Variants in RASL12 observed in about 807,000 individuals in gnomAD.
RASL12 encodes RAS like family 12, also known as ras-like protein family member 12.
RASL12 carries 16 observed loss-of-function variants against 22.9 expected under a neutral mutation model. The ratio of observed to expected loss-of-function variants is 0.70; its 90% CI spans 0.47 to 1.06. RASL12 has a LOEUF of 1.06. RASL12 is among the 50% of genes least tolerant of loss of function. The pLI is 0.00. For missense variants in RASL12, 306 were observed against 353.1 expected (o/e 0.87, Z 1.07); for synonymous variants, 159 against 152.2 (o/e 1.04, Z -0.33).
intron 1 of RASL12, among the ~76,000 whole-genome samples, chr15:65,074,422 C>T (rs981454611): frequency 6.6e-6 from 1 of 151,938 alleles, no homozygotes; most frequent in African/African-American, 2.4e-5. Flanking sequence ...GAGACAGATC[C>T]TCACTCTGTT....
At chr15:65,048,244 C>G in the RASL12 span, among the ~76,000 whole-genome samples, 3 of 151,852 alleles carry the variant, frequency 2.0e-5, no homozygotes, top group Non-Finnish European at 2.9e-5. Context: ...TGACTTCCAT[C>G]TCCACCTTGG....
At chr15:65,059,320 GC>G in intron 3 of RASL12, 24 bp downstream of exon 3, 1 of 1,599,684 alleles carries the variant, frequency 6.3e-7, no homozygotes, top group Non-Finnish European at 8.6e-7. Flanking sequence ...TCACAGCAGT[GC>G]ATAGGTAATG....
chr15:65,055,380 G>A lies in RASL12; in HGVS notation c.426-106C>T. 4.1e-6 allele frequency: 4 copies of A among 976,624 alleles called. No individual in the cohort carries two copies. In the South Asian group the frequency reaches 5.1e-5, roughly 13 times the overall value. The allele number at this position is 976,624 out of a possible 1,614,324, so 60.5% of individuals were successfully genotyped here. The stretch of plus-strand genomic sequence containing the variant: ...CCATGGACTAGCTGGGTGGCCTGGG[G>A]TCATCTTCACCTCTCTGAGTCTCAG... On this transcript the variant is annotated intron_variant, in intron 4 of 4. Coordinates refer to ENST00000220062, the MANE Select transcript of RASL12 (RefSeq NM_016563.4).
At chr15:65,050,163 G>A, downstream of RASL12, 1 of 1,374,574 alleles carries the variant, frequency 7.3e-7, no homozygotes, top group Non-Finnish European at 1.0e-6. Context: ...AGCAGAGTTT[G>A]GCTGAAGGTC....
chr15:65,067,127 G>A (rs141630584), intron 1 of RASL12, among the ~76,000 whole-genome samples: 1,650 of 152,222 alleles, frequency 0.011, 7 homozygotes, highest in Non-Finnish European at 0.015. Context: ...GGGTGGGAGT[G>A]GGGGAGTGGA....
At chr15:65,052,180 G>A (rs1192641189), downstream of RASL12, among the ~76,000 whole-genome samples, 1 of 152,148 alleles carries the variant, frequency 6.6e-6, no homozygotes, top group Non-Finnish European at 1.5e-5. Flanking sequence ...AACATGACTG[G>A]TGTTGTGCCT....
At chr15:65,060,129 G>T (rs1016784388) in intron 2 of RASL12, among the ~76,000 whole-genome samples, 1 of 152,122 alleles carries the variant, frequency 6.6e-6, no homozygotes, top group South Asian at 2.1e-4. Flanking sequence ...TTTGTCCCAG[G>T]CGCTGTGCTA....
rs554513080 is a variant in RASL12, at chr15:65,059,386, G to A, written c.193C>T (p.His65Tyr). ...ATGACCCTCAGGTGGACAGGCTGGTGGTCCACAGTCTCCTCGGAGCTGTAG... is the reference window on the plus strand; with the variant it reads ...ATGACCCTCAGGTGGACAGGCTGGTAGTCCACAGTCTCCTCGGAGCTGTAG... The part of the protein sequence containing the change: ...DTYSSEETVD[H>Y]QPVHLRVMDT... The change falls in exon 3 of 5, where the codon CAC (histidine) becomes TAC (tyrosine). Residue 65 changes from histidine to tyrosine, a missense_variant. Transcript: ENST00000220062. 6.2e-7 allele frequency: 1 copy of A among 1,614,068 alleles called. No individual in the cohort carries two copies. The highest frequency in any genetic ancestry group is 8.5e-7 in the Non-Finnish European group (1 of 1,180,032).
chr15:65,075,381 A>G (rs2086959635), intron 1 of RASL12, among the ~76,000 whole-genome samples: 1 of 152,166 alleles, frequency 6.6e-6, no homozygotes. Flanking sequence ...GCCCAGTCCC[A>G]TCAACCACCC....
chr15:65,072,435 G>A (rs1211571278), upstream of RASL12, among the ~76,000 whole-genome samples: 1 of 152,150 alleles, frequency 6.6e-6, no homozygotes, highest in Admixed American at 6.5e-5. Context: ...GTATCCTAAG[G>A]GGGAGAGAAG....
downstream of RASL12, chr15:65,053,206 G>A: frequency 6.2e-7 from 1 of 1,608,386 alleles, no homozygotes; most frequent in Non-Finnish European, 8.5e-7. Context: ...GACACATGAT[G>A]TGGGCTCAGC....
intron 1 of RASL12, among the ~76,000 whole-genome samples, chr15:65,075,923 T>C (rs1430108226): frequency 3.5e-4 from 52 of 147,774 alleles, no homozygotes; most frequent in African/African-American, 1.2e-3. Flanking sequence ...CACCCTGAGT[T>C]TAGTTCAAGG....
upstream of RASL12, chr15:65,068,142 C>T: frequency 9.8e-7 from 1 of 1,015,952 alleles, no homozygotes; most frequent in Non-Finnish European, 1.2e-6. The surrounding 1 kb of genome is among the most constrained non-coding windows in gnomAD (Gnocchi z 4.2). Flanking sequence ...GCCGCGCCCC[C>T]ACCGCCGGGC....
At position 65,054,557 on chromosome 15, in the gene RASL12, C is replaced by T; in HGVS notation, c.*342G>A. 9.2e-7 allele frequency: 1 copy of T among 1,086,274 alleles called. No individual in the cohort carries two copies. The highest frequency in any genetic ancestry group is 1.1e-6 in the Non-Finnish European group (1 of 892,706). 67.3% of individuals were successfully genotyped at this position (1,086,274 alleles called of 1,614,324 possible). A position where few individuals can be genotyped will look rare whatever the true frequency, so the allele number is the denominator to read the frequency against. On this transcript the variant is annotated 3_prime_UTR_variant, in exon 5 of 5. Coordinates refer to ENST00000220062, the MANE Select transcript of RASL12 (RefSeq NM_016563.4). ...GACCATCCACTAAGGCCACAGCTGG[C>T]CCAACTGTAGCTGGAGCAGGAAGGG...
At position 65,075,932 on chromosome 15, in the gene RASL12, G is replaced by C. The variant is rs577901570; in HGVS notation, c.70+597C>G. Among the ~76,000 whole-genome samples, 16 of 152,272 alleles carry C rather than the reference G, an allele frequency of 1.1e-4. No homozygotes were observed. In the South Asian group the frequency reaches 3.3e-3, roughly 32 times the overall value. On this transcript the variant is annotated intron_variant, in intron 1 of 4. Coordinates refer to the RASL12 transcript ENST00000434605. Reference sequence around the variant, plus strand: ...AATCAGCACCCTGAGTTTAGTTCAAGGTTTGTGAGTGCACCAGTCGACACT... The same window carrying C: ...AATCAGCACCCTGAGTTTAGTTCAACGTTTGTGAGTGCACCAGTCGACACT...
intron 3 of RASL12, 51 bp downstream of exon 3, chr15:65,059,294 A>C: frequency 6.6e-7 from 1 of 1,510,430 alleles, no homozygotes; most frequent in South Asian, 1.1e-5. Context: ...AGGACTTCTC[A>C]GGAGGCTATA....
chr15:65,056,376 G>A (rs915021733), intron 4 of RASL12, among the ~76,000 whole-genome samples: 1 of 152,152 alleles, frequency 6.6e-6, no homozygotes, highest in African/African-American at 2.4e-5. Context: ...CAGAGAGAGT[G>A]AGTAACTGGG....
downstream of RASL12, among the ~76,000 whole-genome samples, chr15:65,051,289 T>G (rs2086650072): frequency 6.6e-6 from 1 of 152,220 alleles, no homozygotes; most frequent in Non-Finnish European, 1.5e-5. Context: ...ACTGCAGTAC[T>G]GTCTCCTCCA....
downstream of RASL12, chr15:65,051,472 C>T: frequency 1.3e-6 from 2 of 1,594,106 alleles, no homozygotes; most frequent in Non-Finnish European, 1.7e-6. Context: ...TTGAGAGGTG[C>T]CTGGCCATTC....
Sources: gnomAD v4.1 joint callset for allele counts (sites outside exome capture counted in the v4.1 genomes callset) on GRCh38, gnomAD v4.1.1 for gene constraint, Gnocchi (gnomAD v3.1) non-coding constraint, MANE v1.5 for transcripts, NCBI Gene and HGNC (gene_info 2026-07-23, HGNC 2026-07-21) for gene names.